The following ADAP1 variants were observed in gnomAD, a reference collection of about 807,000 sequenced individuals.
The protein encoded by ADAP1 is arf-GAP with dual PH domain-containing protein 1.
A neutral mutation model predicts 54.9 loss-of-function variants in ADAP1; 31 were observed. That is an observed-to-expected ratio of 0.56 (90% CI 0.42 to 0.76). The LOEUF (loss-of-function observed/expected upper bound fraction) is 0.76, where lower values mean the gene tolerates loss of function less well. Ranked by LOEUF, ADAP1 falls within the 30% of genes least tolerant of loss-of-function variation. The probability of loss-of-function intolerance (pLI) is 0.00; values close to 1 mark genes in which losing one functional copy is unlikely to be tolerated. For synonymous variants in ADAP1, 313 were observed against 202.6 expected, an observed-to-expected ratio of 1.55 and a Z score of -4.63; for missense variants, 535 against 512.4, an observed-to-expected ratio of 1.04 and a Z score of -0.42.
At chr7:899,703 CCCAGCCCTCCCTGGGCCCCAGATG>C (rs1844689324) in intron 8 of ADAP1, among the ~76,000 whole-genome samples, 1 of 152,180 alleles carries the variant, frequency 6.6e-6, no homozygotes, top group Admixed American at 6.5e-5. Context: ...CTCCAGGTCC[CCCAGCCCTCCCTGGGCCCCAGATG>C]GGGGCCCAGG....
intron 7 of ADAP1, 100 bp downstream of exon 7, chr7:900,433 G>A (rs1271889191): frequency 7.6e-7 from 1 of 1,314,250 alleles, no homozygotes; most frequent in South Asian, 1.3e-5. Context: ...GCCCACCCTA[G>A]GGCTCAACAT....
Position 954,396 on chromosome 7 carries a change from C to A in ADAP1, c.82G>T (p.Asp28Tyr). The A allele has an allele frequency of 8.9e-7, 1 of 1,124,714 alleles. No individual in the cohort carries two copies. The highest frequency in any genetic ancestry group is 1.1e-6 in the Non-Finnish European group (1 of 909,826). The allele number at this position is 1,124,714 out of a possible 1,614,324, so 69.7% of individuals were successfully genotyped here. A position where few individuals can be genotyped will look rare whatever the true frequency, so the allele number is the denominator to read the frequency against. Residue 28 changes from aspartate to tyrosine, a missense_variant and splice_region_variant, in exon 1 of 11, where the codon GAT (aspartate) becomes TAT (tyrosine). Transcript: ENST00000265846. ...CCGCGCCCACCCGGCCCACACCTAC[C>A]CGGGGCGCCGCAGTCCGCGCAGCGC... ...NARCADCGAP[D>Y]PDWASYTLGV...
chr7:931,515 A>G (rs115743495), intron 2 of ADAP1, among the ~76,000 whole-genome samples: 203 of 150,420 alleles, frequency 1.3e-3, no homozygotes, highest in African/African-American at 4.7e-3. Context: ...TTAAAAGTCC[A>G]GAACCCACAA....
intron 6 of ADAP1, chr7:901,332 G>A (rs750564271): frequency 5.6e-5 from 14 of 249,730 alleles, no homozygotes; most frequent in Non-Finnish European, 1.0e-4. Context: ...CTGCGCCCTG[G>A]GCCTCCTGTT....
intron 2 of ADAP1, among the ~76,000 whole-genome samples, chr7:934,712 T>C (rs1406805679): frequency 4.6e-5 from 7 of 152,166 alleles, no homozygotes; most frequent in African/African-American, 1.7e-4. Context: ...CCAGCATGCG[T>C]GGCCCCTCCC....
chr7:912,107 G>A (rs1012724350), intron 4 of ADAP1, among the ~76,000 whole-genome samples: 3 of 152,194 alleles, frequency 2.0e-5, no homozygotes, highest in Admixed American at 1.3e-4. Flanking sequence ...CCTGGGCTCC[G>A]TCTGCCCTGT....
chr7:902,311 A>T (rs1208627524), intron 6 of ADAP1, among the ~76,000 whole-genome samples: 1 of 149,908 alleles, frequency 6.7e-6, no homozygotes, highest in Non-Finnish European at 1.5e-5. Context: ...ATACAAAATT[A>T]GCTGGGTGTG....
chr7:953,561 C>T (rs932726210), intron 1 of ADAP1, among the ~76,000 whole-genome samples: 35 of 152,230 alleles, frequency 2.3e-4, no homozygotes, highest in African/African-American at 8.0e-4. Context: ...CCCCCAGATT[C>T]CTGGTGTGCC....
chr7:953,069 G>A (rs1413932517), intron 1 of ADAP1, among the ~76,000 whole-genome samples: 2 of 152,034 alleles, frequency 1.3e-5, no homozygotes, highest in Non-Finnish European at 2.9e-5. Flanking sequence ...TCCCCTCCCC[G>A]TGGGCCACAG....
Position 938,488 on chromosome 7 carries a change from GTATT to G in ADAP1, c.83-2987_83-2984del, listed in dbSNP as rs761696969. Among the ~76,000 whole-genome samples the G allele has an allele frequency of 9.9e-5, 15 of 152,168 alleles. 1 individual carries two copies. The highest frequency in any genetic ancestry group is 1.6e-4 in the Non-Finnish European group (11 of 68,032). ...TGTGACGCCGTGTCTGGCCTGCAAA[GTATT>G]TAGTTACACACACCCCTGGAGAACA... On this transcript the variant is annotated intron_variant, in intron 1 of 10. Transcript: ENST00000265846. The surrounding 1 kb of genome is among the most constrained non-coding windows in gnomAD (Gnocchi z 4.4).
In ADAP1 at chr7:904,198, G is replaced by A. The variant is rs766566324; in HGVS notation, c.576C>T (p.Pro192=). 59 of 1,611,896 alleles carry A rather than the reference G, an allele frequency of 3.7e-5. No individual in the cohort carries two copies. The highest frequency in any genetic ancestry group is 5.0e-5 in the Non-Finnish European group (59 of 1,179,550). The change falls in exon 6 of 11, where the codon CCC becomes CCT. Residue 192 remains proline (P), a synonymous_variant. Transcript: ENST00000265846. ...ATFQPAKIGH[P]HGLQVTYLKD... ...TCAGGTAGGTGACCTGCAGGCCGTG[G>A]GGGTGGCCGATCTTGGCCGGCTGGA...
chr7:906,526 G>GGAAAGGA lies in ADAP1; in HGVS notation c.389-1361_389-1355dup, dbSNP rs1845362788. 1.1e-4 allele frequency among the ~76,000 whole-genome samples: 3 copies of GGAAAGGA among 26,222 alleles called. 1 individual carries two copies. Among genetic ancestry groups the GGAAAGGA allele is most frequent in the Non-Finnish European group, 2.2e-4 (3 of 13,594 alleles). The allele number at this position is 26,222 out of a possible 152,430, so 17.2% of individuals were successfully genotyped here. On this transcript the variant is annotated intron_variant, in intron 4 of 10. Coordinates refer to ENST00000265846, the MANE Select transcript of ADAP1 (RefSeq NM_006869.4). ...AAGGGAGAAAGGAGAAAGGAGAAAG[G>GGAAAGGA]GAAAGGAGAAAGGAGAAGGGAGAAA...
intron 1 of ADAP1, among the ~76,000 whole-genome samples, chr7:954,080 C>G (rs1187550192): frequency 6.6e-6 from 1 of 152,028 alleles, no homozygotes; most frequent in African/African-American, 2.4e-5. Flanking sequence ...CCCGAGCTTT[C>G]GCAACGCGGC....
intron 4 of ADAP1, among the ~76,000 whole-genome samples, chr7:908,232 C>A (rs966784905): frequency 1.6e-4 from 24 of 152,210 alleles, no homozygotes; most frequent in African/African-American, 5.8e-4. Flanking sequence ...AGACACCGCC[C>A]ATCAGCCCTG....
intron 1 of ADAP1, among the ~76,000 whole-genome samples, chr7:941,236 C>A (rs1341546354): frequency 6.6e-6 from 1 of 152,156 alleles, no homozygotes; most frequent in Non-Finnish European, 1.5e-5. Context: ...TGCTTTCCCC[C>A]AAGATCAAGA....
chr7:953,018 G>A (rs551590615), intron 1 of ADAP1, among the ~76,000 whole-genome samples: 1 of 152,262 alleles, frequency 6.6e-6, no homozygotes, highest in East Asian at 1.9e-4. Context: ...CTGCTCCCAG[G>A]CTGTGTGGCC....
At position 935,392 on chromosome 7, in the gene ADAP1, C is replaced by T; in HGVS notation, c.196G>A (p.Glu66Lys). Reference protein sequence around the residue: ...KVKSVRLDAWEEAQVEFMASH... With the variant: ...KVKSVRLDAWKEAQVEFMASH... ...CTCCGTACCTCCACTTGGGCCTCCT[C>T]CCAGGCGTCCAGGCGGACGGACTTC... is the stretch of plus-strand genomic sequence containing the variant. The change falls in exon 2 of 11, where the codon GAG becomes AAG. Residue 66 changes from glutamate (E) to lysine (K), a missense_variant. By Grantham distance (56) the Glu-to-Lys change is moderately conservative. Coordinates refer to ENST00000265846, the MANE Select transcript of ADAP1 (RefSeq NM_006869.4). 6.4e-7 allele frequency: 1 copy of T among 1,560,584 alleles called. No homozygotes were observed. The highest frequency in any genetic ancestry group is 8.7e-7 in the Non-Finnish European group (1 of 1,152,122).
intron 1 of ADAP1, among the ~76,000 whole-genome samples, chr7:950,034 G>A (rs1020398479): frequency 5.3e-5 from 8 of 152,234 alleles, no homozygotes; most frequent in Non-Finnish European, 1.0e-4. Context: ...CCAGAGGTGG[G>A]AGCAGCCCAG....
rs199900149 is a variant in ADAP1, at chr7:900,620, G to GGGGCAAAGGCAGGCAAAGGC, written c.649-5_649-4insGCCTTTGCCTGCCTTTGCCC. 1.1e-5 allele frequency: 16 copies of GGGGCAAAGGCAGGCAAAGGC among 1,515,776 alleles called. No homozygotes were observed. Among genetic ancestry groups the GGGGCAAAGGCAGGCAAAGGC allele is most frequent in the Admixed American group, 4.0e-5 (2 of 50,156 alleles). 93.9% of individuals were successfully genotyped at this position (1,515,776 alleles called of 1,614,324 possible). On this transcript the variant is annotated splice_polypyrimidine_tract_variant and splice_region_variant and intron_variant, in intron 6 of 10. Transcript: ENST00000265846. ...CATTGAACCAGTCCACAATCTCCTA[G>GGGGCAAAGGCAGGCAAAGGC]GGGCAAAGGTGGGCACAGGCTTGGG...
Sources: gnomAD v4.1 joint callset for allele counts (sites outside exome capture counted in the v4.1 genomes callset) on GRCh38, gnomAD v4.1.1 for gene constraint, Gnocchi (gnomAD v3.1) non-coding constraint, MANE v1.5 for transcripts, NCBI Gene and HGNC (gene_info 2026-07-23, HGNC 2026-07-21) for gene names.